Variants in IGF2BP2 observed in about 807,000 individuals in gnomAD.
IGF2BP2 encodes insulin-like growth factor 2 mRNA-binding protein 2.
Under a neutral mutation model 75.8 loss-of-function variants are expected in IGF2BP2, and 17 were observed. The observed-to-expected ratio is 0.22, with a 90% CI of 0.15 to 0.34. The LOEUF (loss-of-function observed/expected upper bound fraction) is 0.34, where lower values mean the gene tolerates loss of function less well. Ranked by LOEUF, IGF2BP2 falls within the 10% of genes least tolerant of loss-of-function variation. The pLI is 1.00. For synonymous variants in IGF2BP2, 288 were observed against 295.6 expected (o/e 0.97, Z 0.26); for missense variants, 516 against 772.4 (o/e 0.67, Z 3.93).
chr3:185,690,123 A>C (rs938000698), intron 5 of IGF2BP2, among the ~76,000 whole-genome samples: 2 of 152,206 alleles, frequency 1.3e-5, no homozygotes, highest in Non-Finnish European at 2.9e-5. Flanking sequence ...TTAACAGTTA[A>C]ACAAGTAATC....
intron 2 of IGF2BP2, among the ~76,000 whole-genome samples, chr3:185,790,396 G>A (rs111534505): frequency 2.0e-5 from 3 of 152,150 alleles, no homozygotes; most frequent in African/African-American, 7.2e-5. Context: ...AAGTGACTGG[G>A]CTTCAGGATA....
At chr3:185,687,410 C>T (rs1172672641) in intron 6 of IGF2BP2, among the ~76,000 whole-genome samples, 1 of 152,186 alleles carries the variant, frequency 6.6e-6, no homozygotes, top group Non-Finnish European at 1.5e-5. Context: ...TAGAAGGGAA[C>T]GGTTCTTACA....
At chr3:185,688,739 C>T (rs1721496093) in intron 6 of IGF2BP2, among the ~76,000 whole-genome samples, 1 of 152,206 alleles carries the variant, frequency 6.6e-6, no homozygotes, top group African/African-American at 2.4e-5. Flanking sequence ...TAAAGTGCTA[C>T]AACTTGAACG....
At chr3:185,716,897 T>C in intron 2 of IGF2BP2, 1 of 467,860 alleles carries the variant, frequency 2.1e-6, no homozygotes, top group Non-Finnish European at 4.2e-6. Context: ...TCACATCCTG[T>C]TGTAACGCTC....
chr3:185,759,661 T>C (rs1238866721), intron 2 of IGF2BP2, among the ~76,000 whole-genome samples: 4 of 152,222 alleles, frequency 2.6e-5, no homozygotes, highest in African/African-American at 9.6e-5. Context: ...ATGACCTTAC[T>C]AGAATTTCAT....
intron 2 of IGF2BP2, among the ~76,000 whole-genome samples, chr3:185,781,374 T>C (rs1735179149): frequency 6.6e-6 from 1 of 152,184 alleles, no homozygotes; most frequent in South Asian, 2.1e-4. Flanking sequence ...AATCTAGTTG[T>C]CTGTCCCGAA....
intron 2 of IGF2BP2, among the ~76,000 whole-genome samples, chr3:185,821,343 T>C (rs1741350519): frequency 6.6e-6 from 1 of 152,308 alleles, no homozygotes; most frequent in East Asian, 1.9e-4. Context: ...AAAGAAATCA[T>C]CAACTAATAG....
chr3:185,713,270 G>A (rs1183413838), intron 2 of IGF2BP2: 1 of 366,086 alleles, frequency 2.7e-6, no homozygotes, highest in Non-Finnish European at 5.4e-6. Context: ...TGGTTAATTA[G>A]TAATATAGGG....
At chr3:185,736,021 T>G (rs1056225368) in intron 2 of IGF2BP2, among the ~76,000 whole-genome samples, 3 of 152,232 alleles carry the variant, frequency 2.0e-5, no homozygotes, top group Non-Finnish European at 4.4e-5. Context: ...CCAGTAAGGC[T>G]AACCAGAAGG....
rs1714711565 is a variant in IGF2BP2 at position 185,652,180 on chromosome 3, A to G, written c.1387-12T>C. On this transcript the variant is annotated splice_polypyrimidine_tract_variant and intron_variant, in intron 12 of 15. Transcript: ENST00000382199. The stretch of plus-strand genomic sequence containing the variant: ...TCCGCAGGGGCAATCTGTGGTTCAC[A>G]GGAGAGGAAAACGCTGATGCTCGGC... 5 of 1,605,970 alleles carry G rather than the reference A, an allele frequency of 3.1e-6. No homozygotes were observed. Among genetic ancestry groups the G allele is most frequent in the Admixed American group, 3.4e-5 (2 of 59,142 alleles).
Position 185,687,057 on chromosome 3 carries a change from A to C in IGF2BP2, c.812T>G (p.Leu271Arg), listed in dbSNP as rs768863666. 13 of 1,612,028 alleles carry C rather than the reference A, an allele frequency of 8.1e-6. No homozygotes were observed. The highest frequency in any genetic ancestry group is 9.3e-6 in the Non-Finnish European group (11 of 1,179,726). The change falls in exon 7 of 16, where the codon CTA becomes CGA. Residue 271 changes from leucine (L) to arginine (R), a missense_variant and splice_region_variant. Physicochemically the swap from Leu to Arg is moderately radical, Grantham distance 102. Around this residue, in one of 3 missense-constraint regions of IGF2BP2, gnomAD observed 312 missense variants for 474.5 expected, o/e 0.66. Transcript: ENST00000382199. ...ATCTGGGCATTGCATGCAAACTTAC[A>C]GTTTGGTCTCATCTGCCTCTTTCTG... ...IMQKEADETK[L>R]AEEIPLKILA...
chr3:185,696,356 A>G (rs1372379341), intron 4 of IGF2BP2: 1 of 460,904 alleles, frequency 2.2e-6, no homozygotes, highest in Non-Finnish European at 3.8e-6. Flanking sequence ...GTGCTTGAGC[A>G]CACTGCACAG....
At chr3:185,751,839 T>A (rs1424320503) in intron 2 of IGF2BP2, among the ~76,000 whole-genome samples, 3 of 151,572 alleles carry the variant, frequency 2.0e-5, no homozygotes, top group Non-Finnish European at 4.4e-5. Flanking sequence ...GGTGGGCGCC[T>A]GTAGTCCCAG....
chr3:185,645,612 G>A lies in IGF2BP2; in HGVS notation c.1719C>T (p.Arg573=), dbSNP rs1207325182. The A allele has an allele frequency of 6.2e-7, 1 of 1,613,570 alleles. No individual in the cohort carries two copies. The highest frequency in any genetic ancestry group is 1.3e-5 in the African/African-American group (1 of 74,886). The change falls in exon 16 of 16, where the codon CGC becomes CGT. Residue 573 remains arginine (R), a synonymous_variant. Coordinates refer to ENST00000382199, the MANE Select transcript of IGF2BP2 (RefSeq NM_006548.6). This position sits in a 1 kb window ranked among gnomAD's most constrained non-coding sequence, Gnocchi z 4.9. ...CCTGTTGTACAATTTCCCTGATCTT[G>A]CGCTGTGCAGTCTGCAGCAAGGGAG... ...GHFFASQTAQ[R]KIREIVQQVK...
chr3:185,713,175 G>A (rs1725066219), intron 2 of IGF2BP2: 1 of 337,594 alleles, frequency 3.0e-6, no homozygotes, highest in Non-Finnish European at 5.9e-6. Flanking sequence ...TGCACCCAAG[G>A]AACTGTACCA....
At position 185,687,618 on chromosome 3, in the gene IGF2BP2, C is replaced by T. The variant is rs1418992180; in HGVS notation, c.678-427G>A. On this transcript the variant is annotated intron_variant, in intron 6 of 15. Coordinates refer to ENST00000382199, the MANE Select transcript of IGF2BP2 (RefSeq NM_006548.6). ...CATATGTTAATCCAAATCCGAACAC[C>T]AAATTCAAGCAAGCTTTATATATTT... Among the ~76,000 whole-genome samples, 3 of 152,202 alleles carry T rather than the reference C, an allele frequency of 2.0e-5. No homozygotes were observed. The East Asian group carries it at 5.8e-4, about 29-fold the overall frequency.
intron 2 of IGF2BP2, among the ~76,000 whole-genome samples, chr3:185,763,909 A>G (rs1421766696): frequency 6.6e-6 from 1 of 152,174 alleles, no homozygotes; most frequent in African/African-American, 2.4e-5. Context: ...AAGGGGCATG[A>G]GCAAAGGCAA....
intron 13 of IGF2BP2, among the ~76,000 whole-genome samples, chr3:185,651,216 G>A (rs540861519): frequency 9.9e-5 from 15 of 152,202 alleles, no homozygotes; most frequent in African/African-American, 3.6e-4. Flanking sequence ...TGGCCTATAT[G>A]AGGCTTTTGG....
intron 2 of IGF2BP2, among the ~76,000 whole-genome samples, chr3:185,769,830 C>CAAAAAA (rs35418660): frequency 2.6e-5 from 2 of 77,168 alleles, no homozygotes; most frequent in Non-Finnish European, 2.5e-5. Flanking sequence ...ACCCTGTCTC[C>CAAAAAA]AAAAAAAAAA....
Sources: allele counts gnomAD v4.1 joint callset (sites outside exome capture counted in the v4.1 genomes callset), GRCh38; gene constraint gnomAD v4.1.1; regional missense constraint gnomAD v4.1.1; non-coding constraint Gnocchi (gnomAD v3.1); transcripts MANE v1.5; gene names NCBI Gene and HGNC (gene_info 2026-07-23, HGNC 2026-07-21).